The following PDE1A variants were observed in gnomAD, a reference collection of about 807,000 sequenced individuals.
PDE1A encodes dual specificity calcium/calmodulin-dependent 3',5'-cyclic nucleotide phosphodiesterase 1A.
In PDE1A, 35 loss-of-function variants were observed where a neutral mutation model predicts 61.7. That is an observed-to-expected ratio of 0.57 (90% CI 0.43 to 0.75). PDE1A has a LOEUF of 0.75. Ranked by LOEUF, PDE1A falls within the 30% of genes least tolerant of loss-of-function variation. PDE1A has a pLI of 0.00. For missense variants in PDE1A, 597 were observed against 630.6 expected (o/e 0.95, Z 0.57); for synonymous variants, 232 against 213.2 (o/e 1.09, Z -0.77).
rs184342158 is a variant in PDE1A at position 182,391,457 on chromosome 2, T to C, written c.53+35121A>G. Among the ~76,000 whole-genome samples the C allele has an allele frequency of 1.3e-3, 205 of 152,250 alleles. 1 individual carries two copies. Among genetic ancestry groups the C allele is most frequent in the Middle Eastern group, 3.4e-3 (1 of 294 alleles). On this transcript the variant is annotated intron_variant, in intron 1 of 13. Coordinates refer to ENST00000351439, the Ensembl canonical transcript of PDE1A. ...AAAGGGATCCAAAGGCTTAGGGAGA[T>C]TGAAAGGCTAGAGTGGATTAGTCAC...
At chr2:182,406,888 T>C (rs531723928) in intron 1 of PDE1A, among the ~76,000 whole-genome samples, 1 of 152,272 alleles carries the variant, frequency 6.6e-6, no homozygotes, top group East Asian at 1.9e-4. Flanking sequence ...TTCTTGTTGC[T>C]CTGTCACAGT....
chr2:182,553,407 T>C, the PDE1A span, among the ~76,000 whole-genome samples: 1 of 152,174 alleles, frequency 6.6e-6, no homozygotes, highest in African/African-American at 2.4e-5. Flanking sequence ...TATTTGTATT[T>C]TTAGTAGAGA....
the PDE1A span, among the ~76,000 whole-genome samples, chr2:182,533,455 T>A: frequency 6.6e-6 from 1 of 152,190 alleles, no homozygotes; most frequent in African/African-American, 2.4e-5. Flanking sequence ...GTAAAAGTGA[T>A]GGAATAGCTG....
intron 2 of PDE1A, among the ~76,000 whole-genome samples, chr2:182,443,440 G>C (rs1287018601): frequency 6.6e-6 from 1 of 151,976 alleles, no homozygotes; most frequent in East Asian, 1.9e-4. Flanking sequence ...GGAGGTACCT[G>C]GTGGGAGGTT....
intron 1 of PDE1A, among the ~76,000 whole-genome samples, chr2:182,397,280 G>A (rs1292708200): frequency 6.6e-6 from 1 of 152,002 alleles, no homozygotes; most frequent in African/African-American, 2.4e-5. Flanking sequence ...CAAATGGGCT[G>A]GCTATTATTA....
intron 1 of PDE1A, among the ~76,000 whole-genome samples, chr2:182,389,807 AC>A (rs1239490006): frequency 6.6e-6 from 1 of 152,218 alleles, no homozygotes; most frequent in African/African-American, 2.4e-5. Context: ...GTCAGTGCAG[AC>A]AGAATAAGGC....
the PDE1A span, among the ~76,000 whole-genome samples, chr2:182,562,101 G>C: frequency 6.6e-6 from 1 of 151,246 alleles, no homozygotes; most frequent in Non-Finnish European, 1.5e-5. Context: ...GTGTTGAATA[G>C]GAGTGGTAAG....
At chr2:182,389,869 C>T (rs560259109) in intron 1 of PDE1A, among the ~76,000 whole-genome samples, 1 of 152,150 alleles carries the variant, frequency 6.6e-6, no homozygotes, top group Non-Finnish European at 1.5e-5. Flanking sequence ...CAGCCTTTAT[C>T]TTTCTTCTGT....
At chr2:182,514,726 C>A (rs1364476345) in intron 2 of PDE1A, among the ~76,000 whole-genome samples, 1 of 152,030 alleles carries the variant, frequency 6.6e-6, no homozygotes, top group Non-Finnish European at 1.5e-5. Context: ...TAAAAGAAAA[C>A]CTAGAAAATA....
intron 2 of PDE1A, among the ~76,000 whole-genome samples, chr2:182,510,773 T>C (rs1282478515): frequency 2.0e-5 from 3 of 152,206 alleles, no homozygotes; most frequent in African/African-American, 7.2e-5. Flanking sequence ...ACAATTCTTC[T>C]ATCAGTGAAA....
intron 1 of PDE1A, among the ~76,000 whole-genome samples, chr2:182,315,651 T>G (rs1196751243): frequency 6.6e-6 from 1 of 152,148 alleles, no homozygotes; most frequent in Non-Finnish European, 1.5e-5. Flanking sequence ...AAGAACTGAC[T>G]CTATTAGAGA....
intron 2 of PDE1A, among the ~76,000 whole-genome samples, chr2:182,444,551 T>C (rs918088348): frequency 6.6e-5 from 10 of 152,114 alleles, no homozygotes; most frequent in Non-Finnish European, 1.5e-4. Context: ...ATCTATATTG[T>C]ACTTGAGCAA....
chr2:182,195,301 TCTTA>T, intron 10 of PDE1A, among the ~76,000 whole-genome samples: 1 of 152,020 alleles, frequency 6.6e-6, no homozygotes, highest in Non-Finnish European at 1.5e-5. Flanking sequence ...TTTGAAGCCC[TCTTA>T]CTTTTGTTCT....
At chr2:182,627,717 C>T in the PDE1A span, among the ~76,000 whole-genome samples, 1,704 of 151,444 alleles carry the variant, frequency 0.011, 21 homozygotes, top group East Asian at 0.03. Context: ...CTAAGGCGGG[C>T]GGATCATCTG....
At chr2:182,536,004 A>C in the PDE1A span, among the ~76,000 whole-genome samples, 12 of 152,184 alleles carry the variant, frequency 7.9e-5, no homozygotes, top group African/African-American at 2.7e-4. Flanking sequence ...GAACAGTCCG[A>C]AATAGCGAGT....
chr2:182,385,363 TAAGA>T (rs952843373), intron 1 of PDE1A, among the ~76,000 whole-genome samples: 3 of 151,988 alleles, frequency 2.0e-5, no homozygotes, highest in African/African-American at 7.3e-5. Context: ...AGTAATTTGT[TAAGA>T]AATATGAAAT....
At chr2:182,681,882 G>A in the PDE1A span, among the ~76,000 whole-genome samples, 12 of 152,020 alleles carry the variant, frequency 7.9e-5, no homozygotes, top group East Asian at 1.7e-3. Context: ...TCCTGACCTC[G>A]TGATCCGCTC....
At chr2:182,622,396 T>C in the PDE1A span, among the ~76,000 whole-genome samples, 1 of 152,182 alleles carries the variant, frequency 6.6e-6, no homozygotes. Context: ...CTCTGTCTCA[T>C]TAGGTCAGAA....
At chr2:182,558,042 T>C in the PDE1A span, among the ~76,000 whole-genome samples, 2 of 152,178 alleles carry the variant, frequency 1.3e-5, no homozygotes, top group African/African-American at 4.8e-5. Flanking sequence ...GGTAATCCAT[T>C]CTTCTCCTAA....
Sources: gnomAD v4.1 joint callset for allele counts (sites outside exome capture counted in the v4.1 genomes callset) on GRCh38, gnomAD v4.1.1 for gene constraint, MANE v1.5 for transcripts, NCBI Gene and HGNC (gene_info 2026-07-23, HGNC 2026-07-21) for gene names.